Variants in TLN2 observed in about 807,000 individuals in gnomAD.
TLN2 encodes talin-2.
Under a neutral mutation model 294.7 loss-of-function variants are expected in TLN2, and 118 were observed. The ratio of observed to expected loss-of-function variants is 0.40; its 90% CI spans 0.34 to 0.47. The LOEUF (loss-of-function observed/expected upper bound fraction) is 0.47, where lower values mean the gene tolerates loss of function less well. TLN2 is among the 20% of genes least tolerant of loss of function. TLN2 has a pLI of 0.84. For missense variants in TLN2, 3,083 were observed against 3,282.2 expected (o/e 0.94, Z 1.48); for synonymous variants, 1,431 against 1,304.5 (o/e 1.10, Z -2.09).
intron 2 of TLN2, among the ~76,000 whole-genome samples, chr15:62,605,770 A>G (rs1033833964): frequency 6.6e-6 from 1 of 152,194 alleles, no homozygotes; most frequent in African/African-American, 2.4e-5. Flanking sequence ...CACGTTGGAC[A>G]CCGTAGCAGC....
At chr15:62,611,392 G>A (rs2047902222) in intron 2 of TLN2, among the ~76,000 whole-genome samples, 1 of 152,150 alleles carries the variant, frequency 6.6e-6, no homozygotes, top group African/African-American at 2.4e-5. Flanking sequence ...CCCTGGCTGG[G>A]AGATCCACTC....
chr15:62,646,827 A>T (rs1007682650), intron 3 of TLN2, among the ~76,000 whole-genome samples: 1 of 152,128 alleles, frequency 6.6e-6, no homozygotes, highest in Non-Finnish European at 1.5e-5. Flanking sequence ...GGCTTCCCTG[A>T]TTCTTCTCTG....
chr15:62,750,088 GTA>G (rs2061843483), intron 33 of TLN2, among the ~76,000 whole-genome samples: 1 of 152,132 alleles, frequency 6.6e-6, no homozygotes, highest in Admixed American at 6.5e-5. Context: ...GTATTGCCTT[GTA>G]TTAATGTTCT....
intron 2 of TLN2, among the ~76,000 whole-genome samples, chr15:62,596,445 A>G (rs1469377553): frequency 6.6e-6 from 1 of 152,118 alleles, no homozygotes; most frequent in African/African-American, 2.4e-5. Flanking sequence ...ATATTTTAAA[A>G]TTTTAATTAC....
chr15:62,476,883 A>G (rs1022474648), intron 1 of TLN2, among the ~76,000 whole-genome samples: 5 of 152,150 alleles, frequency 3.3e-5, no homozygotes, highest in African/African-American at 9.7e-5. Context: ...AGAGATGCTT[A>G]TCTGACTACC....
In TLN2 at chr15:62,746,724, CT is replaced by C. The variant is rs1389470448; in HGVS notation, c.4026-1625del. Among the ~76,000 whole-genome samples the C allele has an allele frequency of 3.3e-5, 5 of 152,148 alleles. No individual in the cohort carries two copies. In the East Asian group the frequency reaches 9.6e-4, roughly 29 times the overall value. On this transcript the variant is annotated intron_variant, in intron 32 of 58. Coordinates refer to ENST00000636159, the MANE Select transcript of TLN2 (RefSeq NM_015059.3). Reference sequence around the variant, plus strand: ...ATGTGCCTATTTTATTTTTGTTTAACTTGCCAAAGCTGCAGTGGTTAGAAAC... The same window carrying C: ...ATGTGCCTATTTTATTTTTGTTTAACTGCCAAAGCTGCAGTGGTTAGAAAC...
Position 62,517,453 on chromosome 15 carries a change from T to A in TLN2, c.-237-72234T>A, listed in dbSNP as rs542059035. Among the ~76,000 whole-genome samples the A allele has an allele frequency of 2.0e-5, 3 of 152,350 alleles. No homozygotes were observed. The South Asian group carries it at 6.2e-4, about 32-fold the overall frequency. ...TCCCAAACAAAATTGTTTCTACTTTTAAGTTTGCTTGGGGGCCATGGTGGT... is the reference window on the plus strand; with the variant it reads ...TCCCAAACAAAATTGTTTCTACTTTAAAGTTTGCTTGGGGGCCATGGTGGT... On this transcript the variant is annotated intron_variant, in intron 1 of 58. Coordinates refer to ENST00000636159, the MANE Select transcript of TLN2 (RefSeq NM_015059.3).
chr15:62,411,573 T>C (rs1253179168), intron 1 of TLN2, among the ~76,000 whole-genome samples: 9 of 151,946 alleles, frequency 5.9e-5, no homozygotes, highest in African/African-American at 9.7e-5. Flanking sequence ...TGGGGAGATA[T>C]ATTGGAGGGC....
chr15:62,418,554 C>G (rs530075164), intron 1 of TLN2, among the ~76,000 whole-genome samples: 1 of 152,158 alleles, frequency 6.6e-6, no homozygotes, highest in East Asian at 1.9e-4. Context: ...AAATGTCTCA[C>G]GTGTCCGTAT....
Position 62,707,300 on chromosome 15 carries a change from G to C in TLN2, c.2172+47G>C, listed in dbSNP as rs1365875364. ...CCCTTTCTACCCAGTATCACCTGCT[G>C]TTACCTGCCTCCAGGCATTTGGTGT... On this transcript the variant is annotated intron_variant, in intron 20 of 58. Transcript: ENST00000636159. 2.6e-6 allele frequency: 4 copies of C among 1,533,942 alleles called. No individual in the cohort carries two copies. The East Asian group carries it at 9.3e-5, about 36-fold the overall frequency.
chr15:62,680,679 C>T (rs2056746704), intron 11 of TLN2, among the ~76,000 whole-genome samples: 1 of 151,780 alleles, frequency 6.6e-6, no homozygotes, highest in Non-Finnish European at 1.5e-5. Flanking sequence ...GCTCCTGTCA[C>T]CCAAGCAGTG....
rs1376404028 is a variant in TLN2, at chr15:62,414,504, C to T, written c.-238+23819C>T. ...CTTACTACAAATGCAAATTCTCCAA[C>T]CTCACCCCCAAACTACTGAACCATA... On this transcript the variant is annotated intron_variant, in intron 1 of 58. Transcript: ENST00000636159. Among the ~76,000 whole-genome samples, 2 of 140,102 alleles carry T rather than the reference C, an allele frequency of 1.4e-5. 1 individual carries two copies. Among genetic ancestry groups the T allele is most frequent in the East Asian group, 7.1e-4 (2 of 2,812 alleles). The allele number at this position is 140,102 out of a possible 152,430, so 91.9% of individuals were successfully genotyped here. A position where few individuals can be genotyped will look rare whatever the true frequency, so the allele number is the denominator to read the frequency against.
chr15:62,437,292 T>C (rs1006660769), intron 1 of TLN2, among the ~76,000 whole-genome samples: 8 of 152,178 alleles, frequency 5.3e-5, no homozygotes, highest in African/African-American at 1.9e-4. Context: ...TTAGGAGTTA[T>C]GGGGGACACA....
Position 62,652,112 on chromosome 15 carries a change from G to A in TLN2, c.342G>A (p.Leu114=), listed in dbSNP as rs748717795. ...ATTCCAAGACTGTGGGGGAGCTCCTGGTCACTATTTGTAGCAGAATAGGTG... is the reference window on the plus strand; with the variant it reads ...ATTCCAAGACTGTGGGGGAGCTCCTAGTCACTATTTGTAGCAGAATAGGTG... ...VDDSKTVGEL[L]VTICSRIGIT... The change falls in exon 6 of 59, where the codon CTG becomes CTA. Residue 114 remains leucine (L), a synonymous_variant. Coordinates refer to ENST00000636159, the MANE Select transcript of TLN2 (RefSeq NM_015059.3). The A allele has an allele frequency of 1.9e-6, 3 of 1,602,602 alleles. No individual in the cohort carries two copies. The South Asian group carries it at 3.4e-5, about 18-fold the overall frequency.
intron 2 of TLN2, among the ~76,000 whole-genome samples, chr15:62,598,543 C>T (rs1335345578): frequency 6.6e-6 from 1 of 152,118 alleles, no homozygotes; most frequent in Admixed American, 6.5e-5. Context: ...AGCTGGACCT[C>T]TTACCCAACC....
rs1479004372 is a variant in TLN2 at position 62,776,670 on chromosome 15, G to T, written c.5368-94G>T. The T allele has an allele frequency of 1.0e-5, 12 of 1,188,698 alleles. No homozygotes were observed. In the African/African-American group the frequency reaches 1.1e-4, roughly 11 times the overall value. 73.6% of individuals were successfully genotyped at this position (1,188,698 alleles called of 1,614,324 possible). On this transcript the variant is annotated intron_variant, in intron 42 of 58. Transcript: ENST00000636159. ...TAGATCGCTGTGCTCCATTGTGGGG[G>T]TATGGTTTTATATTCTACTTTTGAA...
intron 1 of TLN2, among the ~76,000 whole-genome samples, chr15:62,575,313 C>T (rs1393907097): frequency 6.6e-6 from 1 of 152,082 alleles, no homozygotes; most frequent in Non-Finnish European, 1.5e-5. Flanking sequence ...GAGCAAGACC[C>T]TATCTCCAAA....
intron 1 of TLN2, among the ~76,000 whole-genome samples, chr15:62,390,983 G>C (rs774796490): frequency 9.9e-5 from 15 of 152,266 alleles, no homozygotes; most frequent in Non-Finnish European, 2.1e-4. Context: ...CAGCCTCGCA[G>C]TCGGCGCCAG....
intron 2 of TLN2, among the ~76,000 whole-genome samples, chr15:62,598,623 G>T (rs1043693211): frequency 6.6e-6 from 1 of 152,028 alleles, no homozygotes; most frequent in African/African-American, 2.4e-5. Flanking sequence ...TGAAGTGTGT[G>T]TGTGTAAGTC....
Sources: gnomAD v4.1 joint callset for allele counts (sites outside exome capture counted in the v4.1 genomes callset) on GRCh38, gnomAD v4.1.1 for gene constraint, MANE v1.5 for transcripts, NCBI Gene and HGNC (gene_info 2026-07-23, HGNC 2026-07-21) for gene names.